NR3C1: variants seen among roughly 807,000 people sequenced by gnomAD.
The protein encoded by NR3C1 is nuclear receptor subfamily 3 group C member 1.
In NR3C1, 14 loss-of-function variants were observed where a neutral mutation model predicts 74.0. The observed-to-expected ratio is 0.19, with a 90% CI of 0.12 to 0.30. The LOEUF (loss-of-function observed/expected upper bound fraction) is 0.30, where lower values mean the gene tolerates loss of function less well. NR3C1 is among the 10% of genes least tolerant of loss of function. The pLI, the probability that NR3C1 is intolerant of heterozygous loss-of-function variation, is 1.00. For missense variants in NR3C1, 695 were observed against 909.8 expected (o/e 0.76, Z 3.04); for synonymous variants, 308 against 332.5 (o/e 0.93, Z 0.80).
In NR3C1 at chr5:143,403,557, G is replaced by T. The variant is rs1840766117; in HGVS notation, c.-360C>A. The T allele has an allele frequency of 1.0e-6, 1 of 985,880 alleles. No homozygotes were observed. The highest frequency in any genetic ancestry group is 1.2e-6 in the Non-Finnish European group (1 of 830,332). The allele number at this position is 985,880 out of a possible 1,614,324, so 61.1% of individuals were successfully genotyped here. ...TCCCCGACGGGCAGGCGGTGACTCG[G>T]GCTCCCGTCACAGACACGAGCTCGC... On this transcript the variant is annotated 5_prime_UTR_variant, in exon 1 of 9. Transcript: ENST00000394464.
At chr5:143,397,540 C>T (rs968538286) in intron 2 of NR3C1, among the ~76,000 whole-genome samples, 3 of 151,766 alleles carry the variant, frequency 2.0e-5, no homozygotes, top group African/African-American at 7.2e-5. Flanking sequence ...ATCATAGTTC[C>T]CAGTGCTAAG....
rs1035379863 is a variant in NR3C1, at chr5:143,280,064, C to G, written c.*1825G>C. The G allele has an allele frequency of 5.9e-5, 9 of 152,582 alleles. No homozygotes were observed. Among genetic ancestry groups the G allele is most frequent in the Non-Finnish European group, 8.8e-5 (6 of 68,110 alleles). The allele number at this position is 152,582 out of a possible 1,614,324, so 9.5% of individuals were successfully genotyped here. On this transcript the variant is annotated 3_prime_UTR_variant, in exon 9 of 9. Transcript: ENST00000394464. ...CAGCAACCTTCACTGCACACAGGAC[C>G]AGTCTCCATCTCCCTCTTCCCCTAG...
chr5:143,288,772 C>T (rs1013615178), intron 7 of NR3C1, among the ~76,000 whole-genome samples: 2 of 151,998 alleles, frequency 1.3e-5, no homozygotes, highest in Admixed American at 6.6e-5. Flanking sequence ...CACACCCAGC[C>T]CCAAAAGACT....
At chr5:143,427,261 T>C (rs535328991) in intron 1 of NR3C1, among the ~76,000 whole-genome samples, 48 of 152,224 alleles carry the variant, frequency 3.2e-4, no homozygotes, top group African/African-American at 1.1e-3. Flanking sequence ...AACGATAGCA[T>C]AGTTTTTTAA....
At chr5:143,343,485 G>T (rs2151752296) in intron 2 of NR3C1, among the ~76,000 whole-genome samples, 1 of 152,310 alleles carries the variant, frequency 6.6e-6, no homozygotes, top group East Asian at 1.9e-4. Context: ...AACACTATGT[G>T]TGAGGTAGGT....
upstream of NR3C1, among the ~76,000 whole-genome samples, chr5:143,408,013 T>A (rs573237343): frequency 7.2e-5 from 11 of 152,370 alleles, no homozygotes; most frequent in South Asian, 2.1e-4. Flanking sequence ...GAAATAATTT[T>A]AAGAAAGATA....
At chr5:143,424,411 C>T (rs992388292) in intron 1 of NR3C1, among the ~76,000 whole-genome samples, 9 of 152,012 alleles carry the variant, frequency 5.9e-5, no homozygotes, top group South Asian at 4.1e-4. Context: ...CTTGAGGTGA[C>T]GGATATCCCA....
chr5:143,360,914 T>C (rs1224610244), intron 2 of NR3C1, among the ~76,000 whole-genome samples: 1 of 152,196 alleles, frequency 6.6e-6, no homozygotes, highest in African/African-American at 2.4e-5. Context: ...GGTTTTATCT[T>C]GAGTCTATCC....
At chr5:143,286,424 C>T (rs1189114617) in intron 7 of NR3C1, among the ~76,000 whole-genome samples, 1 of 151,946 alleles carries the variant, frequency 6.6e-6, no homozygotes, top group Non-Finnish European at 1.5e-5. Flanking sequence ...TAGGATTTAT[C>T]CCCGGAATGA....
chr5:143,280,538 ATTTTG>A lies in NR3C1; in HGVS notation c.*1346_*1350del, dbSNP rs1277874053. On this transcript the variant is annotated 3_prime_UTR_variant, in exon 9 of 9. Coordinates refer to ENST00000394464, the MANE Select transcript of NR3C1 (RefSeq NM_000176.3). ...CACAGAAAGGGCTACTACAGCTTCT[ATTTTG>A]TTTAAAATAATTTTCAACAGTGAAG... The A allele has an allele frequency of 2.6e-5, 4 of 152,630 alleles. No homozygotes were observed. The highest frequency in any genetic ancestry group is 2.6e-4 in the Admixed American group (4 of 15,266). The allele number at this position is 152,630 out of a possible 1,614,324, so 9.5% of individuals were successfully genotyped here. A position where few individuals can be genotyped will look rare whatever the true frequency, so the allele number is the denominator to read the frequency against.
intron 7 of NR3C1, among the ~76,000 whole-genome samples, chr5:143,285,966 TGATTA>T (rs758294356): frequency 3.2e-4 from 34 of 106,728 alleles, no homozygotes; most frequent in South Asian, 6.0e-4. Context: ...TTAGCCAGAC[TGATTA>T]AAAAAAAAAA....
At chr5:143,354,382 C>T (rs902075518) in intron 2 of NR3C1, among the ~76,000 whole-genome samples, 1 of 152,182 alleles carries the variant, frequency 6.6e-6, no homozygotes, top group African/African-American at 2.4e-5. Context: ...ATGTGCCTTC[C>T]TCACTAAGTT....
chr5:143,403,518 A>T lies in NR3C1; in HGVS notation c.-321T>A, dbSNP rs1840759104. The T allele has an allele frequency of 1.1e-5, 11 of 984,934 alleles. No homozygotes were observed. The highest frequency in any genetic ancestry group is 1.2e-5 in the Non-Finnish European group (10 of 829,928). The allele number at this position is 984,934 out of a possible 1,614,324, so 61.0% of individuals were successfully genotyped here. ...CGCTCCGGCTGCGGCGTCTCCTTCC[A>T]CCCACAGAATCCGTCCCCGACGGGC... is the stretch of plus-strand genomic sequence containing the variant. On this transcript the variant is annotated 5_prime_UTR_variant, in exon 1 of 9. Coordinates refer to ENST00000394464, the MANE Select transcript of NR3C1 (RefSeq NM_000176.3).
At chr5:143,404,562 A>C, upstream of NR3C1, 1 of 959,468 alleles carries the variant, frequency 1.0e-6, no homozygotes, top group African/African-American at 1.9e-5. Context: ...CGGCGGCGGC[A>C]GAAGGAGGCG....
chr5:143,309,161 C>T (rs1820332813), intron 4 of NR3C1, among the ~76,000 whole-genome samples: 1 of 149,298 alleles, frequency 6.7e-6, no homozygotes, highest in Non-Finnish European at 1.5e-5. Context: ...GCAACCTCTG[C>T]CTCCCGGGTT....
intron 2 of NR3C1, among the ~76,000 whole-genome samples, chr5:143,315,513 C>T (rs1821892980): frequency 6.6e-6 from 1 of 152,138 alleles, no homozygotes. Flanking sequence ...CTAAACTTTT[C>T]TTAATTTGCC....
chr5:143,337,014 C>T (rs912157196), intron 2 of NR3C1, among the ~76,000 whole-genome samples: 6 of 151,824 alleles, frequency 4.0e-5, no homozygotes, highest in Non-Finnish European at 7.4e-5. Context: ...TATATATATA[C>T]ACACACGCAC....
intron 5 of NR3C1, among the ~76,000 whole-genome samples, chr5:143,299,925 C>T (rs1258189172): frequency 6.6e-6 from 1 of 152,218 alleles, no homozygotes; most frequent in African/African-American, 2.4e-5. Flanking sequence ...TGTCAATTCC[C>T]TGTCTTTAAA....
chr5:143,413,021 A>G (rs1841348356), intron 1 of NR3C1, among the ~76,000 whole-genome samples: 1 of 152,222 alleles, frequency 6.6e-6, no homozygotes, highest in Admixed American at 6.5e-5. Context: ...TCCTTCAACA[A>G]AATACAATTC....
Sources: allele counts gnomAD v4.1 joint callset (sites outside exome capture counted in the v4.1 genomes callset), GRCh38; gene constraint gnomAD v4.1.1; transcripts MANE v1.5; gene names NCBI Gene and HGNC (gene_info 2026-07-23, HGNC 2026-07-21).